The following MTREX variants were observed in gnomAD, a reference collection of about 807,000 sequenced individuals.
The protein encoded by MTREX is Mtr4 exosome RNA helicase.
MTREX carries 76 observed loss-of-function variants against 135.4 expected under a neutral mutation model. The observed-to-expected ratio is 0.56, with a 90% CI of 0.47 to 0.68. The LOEUF is 0.68. Among genes scored for constraint, MTREX ranks in the 30% least tolerant of loss-of-function variants. The pLI, the probability that MTREX is intolerant of heterozygous loss-of-function variation, is 0.00. For missense variants in MTREX, 920 were observed against 1,262.1 expected (o/e 0.73, Z 4.11); for synonymous variants, 404 against 401.6 (o/e 1.01, Z -0.07).
intron 16 of MTREX, among the ~76,000 whole-genome samples, chr5:55,374,472 G>C (rs139315687): frequency 1.5e-3 from 225 of 151,868 alleles, no homozygotes; most frequent in African/African-American, 5.2e-3. Context: ...TTTTTGTAGA[G>C]ATGGAATCTC....
intron 7 of MTREX, among the ~76,000 whole-genome samples, chr5:55,342,289 G>A (rs759821398): frequency 1.2e-4 from 18 of 152,126 alleles, no homozygotes; most frequent in Non-Finnish European, 2.4e-4. Flanking sequence ...AGTAACTTTT[G>A]CTGGGTGAGA....
chr5:55,374,817 C>T (rs149948712), intron 16 of MTREX, among the ~76,000 whole-genome samples: 110 of 152,274 alleles, frequency 7.2e-4, no homozygotes, highest in African/African-American at 2.6e-3. Context: ...AGACCGAAAA[C>T]CAATACAACT....
At chr5:55,398,741 A>G (rs990770247) in intron 20 of MTREX, among the ~76,000 whole-genome samples, 3 of 152,292 alleles carry the variant, frequency 2.0e-5, no homozygotes, top group African/African-American at 7.2e-5. Flanking sequence ...TCTATTGGCA[A>G]ATGTCAGGCT....
chr5:55,407,028 C>T (rs910542736), intron 22 of MTREX, among the ~76,000 whole-genome samples: 2 of 152,142 alleles, frequency 1.3e-5, no homozygotes, highest in African/African-American at 4.8e-5. Context: ...TTGTTTTGTC[C>T]ATATAGTGAT....
chr5:55,398,246 GAA>G (rs1178055026), intron 20 of MTREX, among the ~76,000 whole-genome samples: 4 of 131,746 alleles, frequency 3.0e-5, no homozygotes, highest in South Asian at 2.5e-4. Context: ...TCTCTTTTAA[GAA>G]AAAAAAAAAA....
chr5:55,372,410 ACATAAT>A, intron 16 of MTREX, among the ~76,000 whole-genome samples: 1 of 152,260 alleles, frequency 6.6e-6, no homozygotes, highest in Middle Eastern at 3.4e-3. Flanking sequence ...ATGATAATAA[ACATAAT>A]AACAATACAG....
chr5:55,337,807 T>C (rs1749577775), intron 5 of MTREX, among the ~76,000 whole-genome samples: 2 of 151,942 alleles, frequency 1.3e-5, no homozygotes, highest in South Asian at 4.1e-4. Context: ...TTTTGATCCT[T>C]ATTTTTCCTC....
intron 5 of MTREX, among the ~76,000 whole-genome samples, chr5:55,330,061 A>G (rs557090084): frequency 1.1e-4 from 17 of 151,004 alleles, no homozygotes; most frequent in Non-Finnish European, 2.9e-5. Flanking sequence ...TGTTAATCTC[A>G]TTGAGTGCTA....
chr5:55,316,133 A>G (rs1450996053), intron 1 of MTREX, among the ~76,000 whole-genome samples: 1 of 152,164 alleles, frequency 6.6e-6, no homozygotes, highest in Non-Finnish European at 1.5e-5. Context: ...CCAAAATTAA[A>G]TCAGTAATAA....
In MTREX at chr5:55,340,153, C is replaced by T. The variant is rs779983445; in HGVS notation, c.659C>T (p.Pro220Leu). 3.1e-6 allele frequency: 5 copies of T among 1,596,546 alleles called. No individual in the cohort carries two copies. The highest frequency in any genetic ancestry group is 3.4e-6 in the Non-Finnish European group (4 of 1,172,502). ...ATGACTGGTGATGTTACTATTAATC[C>T]TACGGCATCTTGTCTTGTTATGACC... ...GLMTGDVTINPTASCLVMTTE... is the reference protein window; with the variant it reads ...GLMTGDVTINLTASCLVMTTE... The change falls in exon 6 of 27, where the codon CCT (proline) becomes CTT (leucine). Residue 220 changes from proline (P) to leucine (L), a missense_variant. Around this residue, in one of 6 missense-constraint regions of MTREX, gnomAD observed 88 missense variants for 202.5 expected, o/e 0.43. Transcript: ENST00000230640.
chr5:55,392,928 A>G (rs554219128), intron 19 of MTREX, among the ~76,000 whole-genome samples: 1 of 152,324 alleles, frequency 6.6e-6, no homozygotes, highest in Admixed American at 6.5e-5. Context: ...AGCCAGGAAA[A>G]AGGTTTGCAC....
chr5:55,320,733 T>G (rs954622555), intron 1 of MTREX, among the ~76,000 whole-genome samples: 7 of 152,204 alleles, frequency 4.6e-5, no homozygotes, highest in Admixed American at 3.9e-4. Flanking sequence ...CAAAATATAT[T>G]TTTATGTTTG....
rs1187622774 is a variant in MTREX, at chr5:55,366,765, A to G, written c.1700A>G (p.Tyr567Cys). ...DPLNSAFHLT[Y>C]NMVLNLLRVE... ...CTAAATAGTGCTTTCCATTTGACCT[A>G]CAACATGGTTTTGAACTTACTACGT... The change falls in exon 16 of 27, where the codon TAC (tyrosine) becomes TGC (cysteine). Residue 567 changes from tyrosine (Y) to cysteine (C), a missense_variant. Physicochemically the swap from Tyr to Cys is radical, Grantham distance 194. Coordinates refer to ENST00000230640, the MANE Select transcript of MTREX (RefSeq NM_015360.5). The G allele has an allele frequency of 6.2e-7, 1 of 1,610,016 alleles. No individual in the cohort carries two copies. The highest frequency in any genetic ancestry group is 2.2e-5 in the East Asian group (1 of 44,808).
intron 23 of MTREX, 50 bp from the exon 24 acceptor site, chr5:55,414,132 A>G: frequency 7.4e-7 from 1 of 1,352,826 alleles, no homozygotes; most frequent in Non-Finnish European, 1.0e-6. Context: ...GTGAAAAACC[A>G]GTAACTTTAA....
chr5:55,344,480 G>A (rs1265657694), intron 8 of MTREX, 42 bp from the exon 9 acceptor site: 6 of 1,289,900 alleles, frequency 4.7e-6, no homozygotes, highest in Non-Finnish European at 5.6e-6. Context: ...GTTTTATTTT[G>A]AGGAAATAAA....
At chr5:55,414,822 G>T (rs1424284755) in intron 24 of MTREX, among the ~76,000 whole-genome samples, 3 of 151,970 alleles carry the variant, frequency 2.0e-5, no homozygotes, top group Non-Finnish European at 1.5e-5. Flanking sequence ...GCTAATTTTT[G>T]TATTTTTAGT....
chr5:55,377,468 C>A (rs1031162973), intron 16 of MTREX, among the ~76,000 whole-genome samples: 12 of 152,080 alleles, frequency 7.9e-5, no homozygotes, highest in African/African-American at 2.9e-4. Flanking sequence ...AAATATGAAA[C>A]TATATATTTG....
chr5:55,308,109 G>C lies in MTREX; in HGVS notation c.96G>C (p.Gly32=), dbSNP rs139234738. 1.2e-6 allele frequency: 2 copies of C among 1,613,432 alleles called. No homozygotes were observed. Among genetic ancestry groups the C allele is most frequent in the Non-Finnish European group, 1.7e-6 (2 of 1,179,664 alleles). Residue 32 remains glycine, a synonymous_variant, in exon 1 of 27, where the codon GGG becomes GGC. Transcript: ENST00000230640. ...AAAAAGACAAGGAAAAGGACAAGGG[G>C]AAATGGAAGGGGCCTCCAGGGTCTG... ...GTKKDKEKDK[G]KWKGPPGSAD...
chr5:55,414,537 A>T (rs964806407), intron 24 of MTREX, among the ~76,000 whole-genome samples: 1 of 152,200 alleles, frequency 6.6e-6, no homozygotes, highest in Non-Finnish European at 1.5e-5. Flanking sequence ...AGCTCAGTGC[A>T]TGTGTCATTT....
Sources: allele counts gnomAD v4.1 joint callset (sites outside exome capture counted in the v4.1 genomes callset), GRCh38; gene constraint gnomAD v4.1.1; regional missense constraint gnomAD v4.1.1; transcripts MANE v1.5; gene names NCBI Gene and HGNC (gene_info 2026-07-23, HGNC 2026-07-21).